HNRNPU: variants seen among roughly 807,000 people sequenced by gnomAD.
HNRNPU encodes HNRNPU antisense RNA 1.
A neutral mutation model predicts 94.7 loss-of-function variants in HNRNPU; 5 were observed. The observed-to-expected ratio is 0.05, with a 90% CI of 0.03 to 0.11. HNRNPU has a LOEUF of 0.11. Ranked by LOEUF, HNRNPU falls within the 10% of genes least tolerant of loss-of-function variation. HNRNPU has a pLI of 1.00. For missense variants in HNRNPU, 710 were observed against 1,049.2 expected (o/e 0.68, Z 4.47); for synonymous variants, 434 against 381.6 (o/e 1.14, Z -1.60).
Position 244,850,442 on chromosome 1 carries a change from T to C in HNRNPU, c.*4008A>G, listed in dbSNP as rs1680509834. The C allele has an allele frequency of 6.6e-6, 1 of 151,418 alleles. No homozygotes were observed. The highest frequency in any genetic ancestry group is 6.6e-5 in the Admixed American group (1 of 15,180). The allele number at this position is 151,418 out of a possible 1,614,324, so 9.4% of individuals were successfully genotyped here. A position where few individuals can be genotyped will look rare whatever the true frequency, so the allele number is the denominator to read the frequency against. On this transcript the variant is annotated 3_prime_UTR_variant, in exon 14 of 14. Transcript: ENST00000640218. ...CACTAGCTAGATCACCTTCATGCTT[T>C]AAAATTTAAAGTTATGGAGTAGCTG...
Position 244,858,823 on chromosome 1 carries a change from T to C in HNRNPU, c.1136A>G (p.Tyr379Cys). Residue 379 changes from tyrosine (Y) to cysteine (C), a missense_variant, in exon 6 of 14, where the codon TAT (tyrosine) becomes TGT (cysteine). Physicochemically the swap from Tyr to Cys is radical, Grantham distance 194 (BLOSUM62 -2). Transcript: ENST00000640218. ...TTTTATTCCTTTTAGAGAATACCCA[T>C]AAGAAAATTCTTCTTCACCTAAGAA... is the stretch of plus-strand genomic sequence containing the variant. Reference protein sequence around the residue: ...GMLLGEEEFSYGYSLKGIKTC... With the variant: ...GMLLGEEEFSCGYSLKGIKTC... 1.3e-6 allele frequency: 2 copies of C among 1,528,618 alleles called. No individual in the cohort carries two copies. Among genetic ancestry groups the C allele is most frequent in the South Asian group, 2.3e-5 (2 of 87,814 alleles). The allele number at this position is 1,528,618 out of a possible 1,614,324, so 94.7% of individuals were successfully genotyped here. A position where few individuals can be genotyped will look rare whatever the true frequency, so the allele number is the denominator to read the frequency against.
At chr1:244,855,161 C>T (rs947820526) in intron 12 of HNRNPU, 117 bp from the exon 13 acceptor site, 7 of 777,876 alleles carry the variant, frequency 9.0e-6, no homozygotes, top group African/African-American at 1.9e-5. Flanking sequence ...AGGTAGCAAG[C>T]AATACACAAA....
chr1:244,854,606 C>T (rs1680627867), intron 13 of HNRNPU, 103 bp from the exon 14 acceptor site: 1 of 787,220 alleles, frequency 1.3e-6, no homozygotes, highest in African/African-American at 1.7e-5. Flanking sequence ...TTGCTGGAAA[C>T]AAATTTATAC....
Position 244,864,487 on chromosome 1 carries a change from G to C in HNRNPU, c.-180C>G. On this transcript the variant is annotated 5_prime_UTR_variant, in exon 1 of 14. Transcript: ENST00000640218. ...TCGAACGGCGCCAATTCCTTTCACCGAGTTCGCGAGGGAGACGCGGAGACT... is the reference window on the plus strand; with the variant it reads ...TCGAACGGCGCCAATTCCTTTCACCCAGTTCGCGAGGGAGACGCGGAGACT... The C allele has an allele frequency of 2.8e-6, 3 of 1,058,734 alleles. No individual in the cohort carries two copies. Among genetic ancestry groups the C allele is most frequent in the Non-Finnish European group, 3.9e-6 (3 of 762,622 alleles). The allele number at this position is 1,058,734 out of a possible 1,614,324, so 65.6% of individuals were successfully genotyped here. A position where few individuals can be genotyped will look rare whatever the true frequency, so the allele number is the denominator to read the frequency against.
Position 244,864,353 on chromosome 1 carries a change from C to A in HNRNPU, c.-46G>T. On this transcript the variant is annotated 5_prime_UTR_variant, in exon 1 of 14. Coordinates refer to ENST00000640218, the MANE Select transcript of HNRNPU (RefSeq NM_031844.3). ...GCTAGGCGCTGCCTCAAACTCGGCT[C>A]CGCTCACTCGGCCACTGGTGGCGGC... The A allele has an allele frequency of 6.3e-7, 1 of 1,594,912 alleles. No homozygotes were observed. Among genetic ancestry groups the A allele is most frequent in the Non-Finnish European group, 8.5e-7 (1 of 1,175,022 alleles).
chr1:244,851,242 CTGTT>C lies in HNRNPU; in HGVS notation c.*3204_*3207del, dbSNP rs1680541383. The stretch of plus-strand genomic sequence containing the variant: ...GACTCTAAGATATGTTTATGCCTCT[CTGTT>C]TATTCTAGTTTTTTAAAAATCAAAT... On this transcript the variant is annotated 3_prime_UTR_variant, in exon 14 of 14. Transcript: ENST00000640218. 6.6e-6 allele frequency: 1 copy of C among 152,092 alleles called. No homozygotes were observed. Among genetic ancestry groups the C allele is most frequent in the East Asian group, 1.9e-4 (1 of 5,196 alleles). 9.4% of individuals were successfully genotyped at this position (152,092 alleles called of 1,614,324 possible).
In HNRNPU at chr1:244,856,872, A is replaced by G; in HGVS notation, c.1615-16T>C. 6.3e-7 allele frequency: 1 copy of G among 1,579,754 alleles called. No individual in the cohort carries two copies. The highest frequency in any genetic ancestry group is 2.2e-5 in the East Asian group (1 of 44,484). ...AACCTGCCACCTATATTCAAAAGTT[A>G]AAATTTCCCCTTGAACTTGTGAATT... On this transcript the variant is annotated splice_polypyrimidine_tract_variant and intron_variant, in intron 8 of 13. Coordinates refer to ENST00000640218, the MANE Select transcript of HNRNPU (RefSeq NM_031844.3).
chr1:244,855,196 T>C (rs1452223819), intron 12 of HNRNPU, 152 bp from the exon 13 acceptor site: 59 of 728,612 alleles, frequency 8.1e-5, no homozygotes, highest in Non-Finnish European at 4.7e-6. Context: ...TGCTGGTTTC[T>C]TATGTTTTAA....
At chr1:244,863,554 T>C in intron 1 of HNRNPU, 63 bp downstream of exon 1, 1 of 1,285,526 alleles carries the variant, frequency 7.8e-7, no homozygotes, top group South Asian at 2.4e-5. Flanking sequence ...CCGGCAGGCC[T>C]GGGGCACGGT....
In HNRNPU at chr1:244,858,293, T is replaced by A. The variant is rs1680732913; in HGVS notation, c.1231-19A>T. Reference sequence around the variant, plus strand: ...CAAAGTTCTGTTACACAGAAAAAAATTCAACAGTTAAAATCTGCTTCCTTA... The same window carrying A: ...CAAAGTTCTGTTACACAGAAAAAAAATCAACAGTTAAAATCTGCTTCCTTA... On this transcript the variant is annotated intron_variant, in intron 6 of 13. Coordinates refer to ENST00000640218, the MANE Select transcript of HNRNPU (RefSeq NM_031844.3). The A allele has an allele frequency of 6.2e-7, 1 of 1,603,110 alleles. No individual in the cohort carries two copies. Among genetic ancestry groups the A allele is most frequent in the Non-Finnish European group, 8.5e-7 (1 of 1,174,270 alleles).
At chr1:244,855,686 G>A (rs1350890859) in intron 11 of HNRNPU, 78 bp from the exon 12 acceptor site, 2 of 1,461,162 alleles carry the variant, frequency 1.4e-6, no homozygotes, top group Non-Finnish European at 1.9e-6. Context: ...CCTCTAGATT[G>A]TTCCTTTTTC....
Position 244,863,626 on chromosome 1 carries a change from G to T in HNRNPU, c.682C>A (p.Pro228Thr). The change falls in exon 1 of 14, where the codon CCG becomes ACG. Residue 228 changes from proline (P) to threonine (T), a missense_variant. Transcript: ENST00000640218. ...GGGGGGRPGA[P>T]AAGDGKTEQK... ...ACAACGCAGCACTCACCCGCCGCCG[G>T]AGCCCCGGGGCGACCGCCGCCTCCG... is the stretch of plus-strand genomic sequence containing the variant. The T allele has an allele frequency of 6.5e-7, 1 of 1,528,140 alleles. No individual in the cohort carries two copies. Among genetic ancestry groups the T allele is most frequent in the Non-Finnish European group, 8.7e-7 (1 of 1,152,158 alleles). The allele number at this position is 1,528,140 out of a possible 1,614,324, so 94.7% of individuals were successfully genotyped here. A position where few individuals can be genotyped will look rare whatever the true frequency, so the allele number is the denominator to read the frequency against.
rs761602649 is a variant in HNRNPU, at chr1:244,856,543, T to C, written c.1826A>G (p.Lys609Arg). 1.2e-6 allele frequency: 2 copies of C among 1,614,046 alleles called. No homozygotes were observed. The highest frequency in any genetic ancestry group is 2.7e-5 in the African/African-American group (2 of 74,938). Residue 609 changes from lysine (K) to arginine (R), a missense_variant, in exon 10 of 14, where the codon AAA (lysine) becomes AGA (arginine). Physicochemically the swap from Lys to Arg is conservative, Grantham distance 26. Around this residue, in one of 8 missense-constraint regions of HNRNPU, gnomAD observed 31 missense variants for 132.4 expected, o/e 0.23. Coordinates refer to ENST00000640218, the MANE Select transcript of HNRNPU (RefSeq NM_031844.3). ...TGTTCTTTGCTTATAGTCTTCATCT[T>C]TTGGGCAAACTACAACAGCTTTTCG... Reference protein sequence around the residue: ...FQRKAVVVCPKDEDYKQRTQK... With the variant: ...FQRKAVVVCPRDEDYKQRTQK...
chr1:244,863,599 G>A lies in HNRNPU; in HGVS notation c.691+18C>T, dbSNP rs765471448. On this transcript the variant is annotated intron_variant, in intron 1 of 13. Transcript: ENST00000640218. ...GCGCGGGCCTCCCGCCGCGCGCAACGTACAACGCAGCACTCACCCGCCGCC... is the reference window on the plus strand; with the variant it reads ...GCGCGGGCCTCCCGCCGCGCGCAACATACAACGCAGCACTCACCCGCCGCC... 3.8e-5 allele frequency: 56 copies of A among 1,459,618 alleles called. No homozygotes were observed. The highest frequency in any genetic ancestry group is 5.0e-4 in the Middle Eastern group (2 of 3,978). The allele number at this position is 1,459,618 out of a possible 1,614,324, so 90.4% of individuals were successfully genotyped here.
At chr1:244,863,479 C>T (rs1327151922) in intron 1 of HNRNPU, 138 bp downstream of exon 1, 6 of 1,095,702 alleles carry the variant, frequency 5.5e-6, no homozygotes, top group African/African-American at 1.7e-5. Flanking sequence ...TGGGATTCCC[C>T]GCGCCCCCTC....
At position 244,855,524 on chromosome 1, in the gene HNRNPU, T is replaced by G; in HGVS notation, c.2252A>C (p.Tyr751Ser). 6.2e-7 allele frequency: 1 copy of G among 1,614,058 alleles called. No individual in the cohort carries two copies. Among genetic ancestry groups the G allele is most frequent in the African/African-American group, 1.3e-5 (1 of 75,026 alleles). Residue 751 changes from tyrosine (Y) to serine (S), a missense_variant, in exon 12 of 14, where the codon TAT becomes TCT. Physicochemically the swap from Tyr to Ser is moderately radical, Grantham distance 144. Transcript: ENST00000640218. ...GGGGGSGGIG[Y>S]PYPRAPVFPG... is the part of the protein sequence containing the mutation. ...AAAAACAGGGGCACGAGGGTATGGATAGCCGATTCCACCACTTCCTCCACC... is the reference window on the plus strand; with the variant it reads ...AAAAACAGGGGCACGAGGGTATGGAGAGCCGATTCCACCACTTCCTCCACC...
chr1:244,862,358 T>C (rs1275190826), intron 3 of HNRNPU, 103 bp downstream of exon 3: 4 of 749,274 alleles, frequency 5.3e-6, no homozygotes, highest in African/African-American at 2.1e-5. Context: ...TTAAAAAAAC[T>C]AACCCAAGTT....
intron 13 of HNRNPU, 188 bp downstream of exon 13, chr1:244,854,785 T>C: frequency 1.9e-6 from 1 of 514,546 alleles, no homozygotes; most frequent in South Asian, 3.6e-5. Flanking sequence ...AAATTTAACT[T>C]ATAGCAATCT....
chr1:244,855,349 C>A, intron 12 of HNRNPU, 75 bp downstream of exon 12: 1 of 1,390,990 alleles, frequency 7.2e-7, no homozygotes. Context: ...ACTAAGACAC[C>A]CCAACATAAA....
Sources: allele counts gnomAD v4.1 joint callset, GRCh38; gene constraint gnomAD v4.1.1; regional missense constraint gnomAD v4.1.1; transcripts MANE v1.5; gene names NCBI Gene and HGNC (gene_info 2026-07-23, HGNC 2026-07-21).